NUP35: variants seen among roughly 807,000 people sequenced by gnomAD.
NUP35 encodes nucleoporin 35.
A neutral mutation model predicts 41.5 loss-of-function variants in NUP35; 25 were observed. The ratio of observed to expected loss-of-function variants is 0.60; its 90% CI spans 0.44 to 0.84. NUP35 has a LOEUF of 0.84. NUP35 is among the 40% of genes least tolerant of loss of function. NUP35 has a pLI of 0.00. For synonymous variants in NUP35, 149 were observed against 130.7 expected, an observed-to-expected ratio of 1.14 and a Z score of -0.96; for missense variants, 396 against 396.6, an observed-to-expected ratio of 1.00 and a Z score of 0.01.
chr2:183,138,263 ATATATATTTT>A (rs72357993), intron 4 of NUP35, among the ~76,000 whole-genome samples: 16,300 of 67,018 alleles, frequency 0.24, 1,135 homozygotes, highest in African/African-American at 0.29. Flanking sequence ...ATATATATAT[ATATATATTTT>A]TTTTTTTTTT....
At chr2:183,151,689 C>T in intron 5 of NUP35, 40 bp downstream of exon 5, 5 of 1,575,014 alleles carry the variant, frequency 3.2e-6, no homozygotes, top group Non-Finnish European at 3.5e-6. Flanking sequence ...AAACCCCACC[C>T]TAACATTTTA....
intron 2 of NUP35, 142 bp downstream of exon 2, chr2:183,128,599 T>TAA (rs34331888): frequency 4.9e-5 from 18 of 370,000 alleles, no homozygotes; most frequent in Non-Finnish European, 6.1e-5. Flanking sequence ...GCTGATGAGC[T>TAA]AAAAAAAAAA....
At position 183,161,088 on chromosome 2, in the gene NUP35, A is replaced by G; in HGVS notation, c.938A>G (p.Glu313Gly). The change falls in exon 9 of 9, where the codon GAA becomes GGA. Residue 313 changes from glutamate to glycine, a missense_variant. Glu to Gly is a moderately conservative substitution (Grantham distance 98, BLOSUM62 -2). Coordinates refer to ENST00000295119, the MANE Select transcript of NUP35 (RefSeq NM_138285.5). ...GACAGACAAACGCCAAAAAAAGATG[A>G]AAGTCTTGTATCCAAAGCAATGGAG... is the stretch of plus-strand genomic sequence containing the variant. ...ISDRQTPKKDESLVSKAMEYM... is the reference protein window; with the variant it reads ...ISDRQTPKKDGSLVSKAMEYM... 1 of 1,613,588 alleles carries G rather than the reference A, an allele frequency of 6.2e-7. No individual in the cohort carries two copies. The highest frequency in any genetic ancestry group is 1.3e-5 in the African/African-American group (1 of 75,024).
At chr2:183,125,889 A>T (rs149198846) in intron 1 of NUP35, among the ~76,000 whole-genome samples, 17 of 152,286 alleles carry the variant, frequency 1.1e-4, no homozygotes, top group African/African-American at 4.1e-4. Flanking sequence ...TATGAAATGG[A>T]ATTGAGGACA....
upstream of NUP35, among the ~76,000 whole-genome samples, chr2:183,122,728 T>C (rs923738510): frequency 3.3e-5 from 5 of 152,198 alleles, no homozygotes; most frequent in Non-Finnish European, 4.4e-5. Context: ...GGTGCTGGGA[T>C]TGCAGGTGTG....
intron 4 of NUP35, among the ~76,000 whole-genome samples, chr2:183,139,477 C>G (rs909409095): frequency 1.3e-5 from 2 of 152,098 alleles, no homozygotes; most frequent in Admixed American, 6.6e-5. Flanking sequence ...TCACTGGAAC[C>G]TGTGACTGTT....
Position 183,161,294 on chromosome 2 carries a change from C to G in NUP35, c.*163C>G. ...AAGGATACAACCTATTTGTAGCTCGCACTTTAAAAGATGCTTGAGATACAT... is the reference window on the plus strand; with the variant it reads ...AAGGATACAACCTATTTGTAGCTCGGACTTTAAAAGATGCTTGAGATACAT... On this transcript the variant is annotated 3_prime_UTR_variant, in exon 9 of 9. Coordinates refer to ENST00000295119, the MANE Select transcript of NUP35 (RefSeq NM_138285.5). The G allele has an allele frequency of 2.2e-6, 1 of 456,004 alleles. No individual in the cohort carries two copies. The highest frequency in any genetic ancestry group is 3.2e-5 in the East Asian group (1 of 31,108). The allele number at this position is 456,004 out of a possible 1,614,324, so 28.2% of individuals were successfully genotyped here. A position where few individuals can be genotyped will look rare whatever the true frequency, so the allele number is the denominator to read the frequency against.
In NUP35 at chr2:183,124,500, G is replaced by A. The variant is rs777157018; in HGVS notation, c.40+3G>A. ...GGAACCTCAGGGGCCCGCGTTAGGT[G>A]AGTGAAATATTGCTTTTCCTTGCTG... On this transcript the variant is annotated splice_donor_region_variant and intron_variant, in intron 1 of 8. Coordinates refer to ENST00000295119, the MANE Select transcript of NUP35 (RefSeq NM_138285.5). 58 of 1,614,010 alleles carry A rather than the reference G, an allele frequency of 3.6e-5. No individual in the cohort carries two copies. Among genetic ancestry groups the A allele is most frequent in the Non-Finnish European group, 4.8e-5 (57 of 1,180,030 alleles).
Position 183,141,630 on chromosome 2 carries a change from A to G in NUP35, c.397+8007A>G, listed in dbSNP as rs191468504. Among the ~76,000 whole-genome samples, 633 of 152,258 alleles carry G rather than the reference A, an allele frequency of 4.2e-3. 2 individuals are homozygous for G. The highest frequency in any genetic ancestry group is 6.8e-3 in the Middle Eastern group (2 of 294). Reference sequence around the variant, plus strand: ...TTTCTGTAAAACTCTTGATTCTCCAATAGTTAATAATTGTTTTTTTTCTAT... The same window carrying G: ...TTTCTGTAAAACTCTTGATTCTCCAGTAGTTAATAATTGTTTTTTTTCTAT... On this transcript the variant is annotated intron_variant, in intron 4 of 8. Coordinates refer to ENST00000295119, the MANE Select transcript of NUP35 (RefSeq NM_138285.5).
chr2:183,126,767 A>G (rs1022156768), intron 1 of NUP35, among the ~76,000 whole-genome samples: 1 of 152,218 alleles, frequency 6.6e-6, no homozygotes. Flanking sequence ...AAGGCCATCT[A>G]GAAGTTAAGT....
At chr2:183,133,482 A>G in intron 3 of NUP35, 84 bp from the exon 4 acceptor site, 1 of 1,052,520 alleles carries the variant, frequency 9.5e-7, no homozygotes, top group Non-Finnish European at 1.4e-6. Flanking sequence ...ATAAAAATTC[A>G]GTTATCCATT....
In NUP35 at chr2:183,128,349, T is replaced by C. The variant is rs183904083; in HGVS notation, c.103T>C (p.Leu35=). The C allele has an allele frequency of 1.0e-4, 169 of 1,614,034 alleles. No homozygotes were observed. The East Asian group carries it at 3.2e-3, about 31-fold the overall frequency. The part of the protein sequence containing the change: ...SPKPGVNAQF[L]PGFLMGDLPA... ...AAAGCCAGGAGTTAATGCCCAGTTC[T>C]TACCTGGATTTTTAATGGGGGATTT... The change falls in exon 2 of 9, where the codon TTA becomes CTA. Residue 35 remains leucine, a synonymous_variant. Transcript: ENST00000295119.
intron 4 of NUP35, among the ~76,000 whole-genome samples, chr2:183,136,724 A>G (rs1684886369): frequency 6.6e-6 from 1 of 152,204 alleles, no homozygotes; most frequent in South Asian, 2.1e-4. Context: ...TCATCTGCCA[A>G]GTTCCTTCAC....
chr2:183,122,266 T>G (rs890360171), upstream of NUP35, among the ~76,000 whole-genome samples: 1 of 151,702 alleles, frequency 6.6e-6, no homozygotes, highest in Non-Finnish European at 1.5e-5. Context: ...TTAGTAGAGA[T>G]GGGGTTTCAC....
upstream of NUP35, among the ~76,000 whole-genome samples, chr2:183,122,307 A>T (rs1412006995): frequency 6.6e-6 from 1 of 150,966 alleles, no homozygotes; most frequent in Non-Finnish European, 1.5e-5. Context: ...GGAACTCCTG[A>T]CCTCGTGATC....
chr2:183,138,998 T>C (rs570607472), intron 4 of NUP35, among the ~76,000 whole-genome samples: 133 of 152,246 alleles, frequency 8.7e-4, no homozygotes, highest in African/African-American at 3.1e-3. Flanking sequence ...CATCTGTCTT[T>C]ATTACCTGAT....
chr2:183,141,930 G>A (rs1015364881), intron 4 of NUP35, among the ~76,000 whole-genome samples: 5 of 152,160 alleles, frequency 3.3e-5, no homozygotes, highest in Non-Finnish European at 7.4e-5. Context: ...ACATATTTAA[G>A]TAGCTTTCTA....
chr2:183,159,446 A>G, intron 7 of NUP35, 42 bp from the exon 8 acceptor site: 1 of 1,509,446 alleles, frequency 6.6e-7, no homozygotes. Context: ...GATGATATGT[A>G]TTATGTTTAT....
At chr2:183,148,106 C>G (rs1685342959) in intron 4 of NUP35, among the ~76,000 whole-genome samples, 1 of 152,132 alleles carries the variant, frequency 6.6e-6, no homozygotes, top group African/African-American at 2.4e-5. Context: ...ATACTGACTT[C>G]CAGTTCCATC....
Sources: allele counts gnomAD v4.1 joint callset (sites outside exome capture counted in the v4.1 genomes callset), GRCh38; gene constraint gnomAD v4.1.1; transcripts MANE v1.5; gene names NCBI Gene and HGNC (gene_info 2026-07-23, HGNC 2026-07-21).